The following OPRD1 variants were observed in gnomAD, a reference collection of about 807,000 sequenced individuals.
The protein encoded by OPRD1 is delta-type opioid receptor.
In OPRD1, 19 loss-of-function variants were observed where a neutral mutation model predicts 17.5. The observed-to-expected ratio is 1.09, with a 90% CI of 0.76 to 1.60. The LOEUF (loss-of-function observed/expected upper bound fraction) is 1.60. Among genes scored for constraint, OPRD1 ranks in the 40% most tolerant of loss-of-function variants. The pLI is 0.00. For synonymous variants in OPRD1, 256 were observed against 240.9 expected, an observed-to-expected ratio of 1.06 and a Z score of -0.58; for missense variants, 483 against 547.2, an observed-to-expected ratio of 0.88 and a Z score of 1.17.
At position 28,866,233 on chromosome 1, in the gene OPRD1, G is replaced by A. The variant is rs1406375217; in HGVS notation, c.*2950G>A. 1 of 152,182 alleles carries A rather than the reference G, an allele frequency of 6.6e-6. No homozygotes were observed. 9.4% of individuals were successfully genotyped at this position (152,182 alleles called of 1,614,324 possible). A position where few individuals can be genotyped will look rare whatever the true frequency, so the allele number is the denominator to read the frequency against. ...TGCGGTGACAGGGAGCCCCAGGGAG[G>A]GTGTCACAGGGAAGTGCCTTTTCTA... On this transcript the variant is annotated 3_prime_UTR_variant, in exon 3 of 3. Transcript: ENST00000234961.
chr1:28,846,324 G>A (rs573283283), intron 1 of OPRD1, among the ~76,000 whole-genome samples: 6 of 152,224 alleles, frequency 3.9e-5, no homozygotes, highest in South Asian at 2.1e-4. Context: ...TTCTCAGTTC[G>A]TAAGGACAGA....
chr1:28,862,600 A>T, intron 2 of OPRD1, 142 bp from the exon 3 acceptor site: 2 of 740,348 alleles, frequency 2.7e-6, no homozygotes, highest in Non-Finnish European at 4.3e-6. Context: ...AGGACACTCC[A>T]GACAGAAGAA....
At chr1:28,859,355 C>T (rs762434466) in intron 2 of OPRD1, 52 bp downstream of exon 2, 1 of 1,501,364 alleles carries the variant, frequency 6.7e-7, no homozygotes, top group South Asian at 1.2e-5. Context: ...GGAGGCAGTA[C>T]ATGGGCCTTT....
Position 28,863,010 on chromosome 1 carries a change from C to T in OPRD1, c.846C>T (p.Ile282=). 1.2e-6 allele frequency: 2 copies of T among 1,609,620 alleles called. No homozygotes were observed. The highest frequency in any genetic ancestry group is 1.7e-6 in the Non-Finnish European group (2 of 1,178,040). Residue 282 remains isoleucine (I), a synonymous_variant, in exon 3 of 3, where the codon ATC becomes ATT. Transcript: ENST00000234961. ...VCWAPIHIFV[I]VWTLVDIDRR... ...GGGCGCCCATCCACATCTTCGTCAT[C>T]GTCTGGACGCTGGTGGACATCGACC...
intron 1 of OPRD1, among the ~76,000 whole-genome samples, chr1:28,827,476 C>T (rs746961605): frequency 6.6e-6 from 1 of 151,852 alleles, no homozygotes; most frequent in Non-Finnish European, 1.5e-5. Context: ...AGTACAGGCG[C>T]ATGCCATTGC....
chr1:28,845,130 G>C (rs1168596565), intron 1 of OPRD1, among the ~76,000 whole-genome samples: 1 of 151,732 alleles, frequency 6.6e-6, no homozygotes, highest in Non-Finnish European at 1.5e-5. Context: ...AGATCACAAG[G>C]TCAGGAGTTC....
intron 1 of OPRD1, among the ~76,000 whole-genome samples, chr1:28,858,306 G>T (rs2089077400): frequency 7.1e-6 from 1 of 140,588 alleles, no homozygotes; most frequent in South Asian, 2.3e-4. Context: ...AGTAGAGAGG[G>T]GGTTTCACCG....
intron 1 of OPRD1, among the ~76,000 whole-genome samples, chr1:28,835,903 G>A (rs563933756): frequency 3.1e-4 from 47 of 152,278 alleles, no homozygotes; most frequent in African/African-American, 1.1e-3. Flanking sequence ...TTCCCCACCT[G>A]TAAGATGGGG....
In OPRD1 at chr1:28,812,393, GC is replaced by G; in HGVS notation, c.15del (p.Ser6ProfsTer75). On this transcript the variant is annotated frameshift_variant, in exon 1 of 3. Transcript: ENST00000234961. LOFTEE classifies it high-confidence loss of function. MEPAPSAGAELQPP... is the reference protein window; with the variant it reads MEPXPSAGAELQPP... ...GAGCCGGCCGGCAGCCATGGAACCG[GC>G]CCCCTCCGCCGGCGCCGAGCTGCAG... 1.4e-6 allele frequency: 2 copies of G among 1,429,000 alleles called. No homozygotes were observed. The highest frequency in any genetic ancestry group is 9.1e-7 in the Non-Finnish European group (1 of 1,098,164). The allele number at this position is 1,429,000 out of a possible 1,614,324, so 88.5% of individuals were successfully genotyped here.
chr1:28,819,794 A>G (rs1399803081), intron 1 of OPRD1, among the ~76,000 whole-genome samples: 1 of 152,136 alleles, frequency 6.6e-6, no homozygotes, highest in African/African-American at 2.4e-5. Flanking sequence ...ACGTCTAGGT[A>G]GAGAAGCGAG....
intron 1 of OPRD1, among the ~76,000 whole-genome samples, chr1:28,840,194 G>A (rs2088884143): frequency 6.6e-6 from 1 of 152,162 alleles, no homozygotes; most frequent in African/African-American, 2.4e-5. Flanking sequence ...TTTGTGCTGG[G>A]TGCTGCTGTA....
At chr1:28,818,983 C>G (rs2088691340) in intron 1 of OPRD1, among the ~76,000 whole-genome samples, 1 of 149,006 alleles carries the variant, frequency 6.7e-6, no homozygotes, top group Non-Finnish European at 1.5e-5. Context: ...GATTTTGGAG[C>G]AATCTGTGCA....
At chr1:28,821,327 T>C (rs2088711003) in intron 1 of OPRD1, among the ~76,000 whole-genome samples, 1 of 152,042 alleles carries the variant, frequency 6.6e-6, no homozygotes, top group Non-Finnish European at 1.5e-5. Context: ...GGTCTTGAAC[T>C]CTTCTCTTGA....
At chr1:28,820,905 A>G (rs973348683) in intron 1 of OPRD1, among the ~76,000 whole-genome samples, 4 of 151,552 alleles carry the variant, frequency 2.6e-5, no homozygotes, top group Non-Finnish European at 5.9e-5. Context: ...CTGGCCTGAG[A>G]CCCCATATTT....
chr1:28,824,464 C>T (rs1189726403), intron 1 of OPRD1, among the ~76,000 whole-genome samples: 1 of 151,514 alleles, frequency 6.6e-6, no homozygotes, highest in Non-Finnish European at 1.5e-5. Flanking sequence ...CAGGCGCCCG[C>T]CACCACACCC....
At chr1:28,840,304 A>C (rs972183262) in intron 1 of OPRD1, among the ~76,000 whole-genome samples, 4 of 152,094 alleles carry the variant, frequency 2.6e-5, no homozygotes, top group African/African-American at 9.7e-5. Context: ...CTCAGGCTGG[A>C]GTGCAGTGGC....
At chr1:28,851,395 C>G (rs1288400819) in intron 1 of OPRD1, among the ~76,000 whole-genome samples, 2 of 152,186 alleles carry the variant, frequency 1.3e-5, no homozygotes, top group Non-Finnish European at 2.9e-5. Flanking sequence ...TTCAGACAAG[C>G]AAGGGTGTAA....
At chr1:28,859,838 TA>T (rs1312502536) in intron 2 of OPRD1, among the ~76,000 whole-genome samples, 1 of 152,210 alleles carries the variant, frequency 6.6e-6, no homozygotes, top group Non-Finnish European at 1.5e-5. Context: ...AAATAGGAGC[TA>T]AAATGGTAAT....
At chr1:28,824,876 T>G (rs369247) in intron 1 of OPRD1, among the ~76,000 whole-genome samples, 2 of 151,902 alleles carry the variant, frequency 1.3e-5, no homozygotes, top group African/African-American at 4.8e-5. Context: ...CTGTTGCCCA[T>G]GCTGGAGTGC....
Sources: gnomAD v4.1 joint callset for allele counts (sites outside exome capture counted in the v4.1 genomes callset) on GRCh38, gnomAD v4.1.1 for gene constraint, MANE v1.5 for transcripts, NCBI Gene and HGNC (gene_info 2026-07-23, HGNC 2026-07-21) for gene names.